PLXNB2: variants seen among roughly 807,000 people sequenced by gnomAD.
PLXNB2 encodes plexin B2.
PLXNB2 carries 85 observed loss-of-function variants against 202.6 expected under a neutral mutation model. That is an observed-to-expected ratio of 0.42 (90% CI 0.35 to 0.50). The LOEUF (loss-of-function observed/expected upper bound fraction) is 0.50, where lower values mean the gene tolerates loss of function less well. Among genes scored for constraint, PLXNB2 ranks in the 20% least tolerant of loss-of-function variants. The pLI is 0.02. For missense variants in PLXNB2, 2,063 were observed against 2,586.2 expected (o/e 0.80, Z 4.39); for synonymous variants, 1,239 against 1,137.6 (o/e 1.09, Z -1.79).
intron 24 of PLXNB2, 26 bp downstream of exon 24, chr22:50,280,714 GCCCT>G: frequency 2.6e-6 from 4 of 1,528,926 alleles, no homozygotes; most frequent in Non-Finnish European, 1.8e-6. Flanking sequence ...CCACCTGTGT[GCCCT>G]CCCGCCCGCC....
chr22:50,277,580 A>G lies in PLXNB2; in HGVS notation c.5196+11T>C. The G allele has an allele frequency of 6.4e-7, 1 of 1,555,468 alleles. No individual in the cohort carries two copies. Among genetic ancestry groups the G allele is most frequent in the Non-Finnish European group, 8.7e-7 (1 of 1,146,660 alleles). On this transcript the variant is annotated intron_variant, in intron 33 of 36. Transcript: ENST00000359337. ...GCCTCCCTGCCCCAGACCTGCCCCC[A>G]CCCCACTCACGCGGCTCAGCTTATG...
Position 50,297,363 on chromosome 22 carries a change from T to C in PLXNB2, c.-73-2585A>G, listed in dbSNP as rs1045596359. Among the ~76,000 whole-genome samples, 1 of 152,140 alleles carries C rather than the reference T, an allele frequency of 6.6e-6. No individual in the cohort carries two copies. Among genetic ancestry groups the C allele is most frequent in the Admixed American group, 6.5e-5 (1 of 15,282 alleles). On this transcript the variant is annotated intron_variant, in intron 1 of 36. Transcript: ENST00000359337. This position sits in a 1 kb window ranked among gnomAD's most constrained non-coding sequence, Gnocchi z 5.3. ...CCGCACGCCCTCGAACAACCTCCCC[T>C]GAGTGATCGATCCACTCAGGAAGCC...
chr22:50,290,207 G>A lies in PLXNB2; in HGVS notation c.378C>T (p.Ser126=). The A allele has an allele frequency of 6.2e-7, 1 of 1,612,356 alleles. No homozygotes were observed. The highest frequency in any genetic ancestry group is 8.5e-7 in the Non-Finnish European group (1 of 1,180,010). Residue 126 remains serine (S), a synonymous_variant, in exon 3 of 37, where the codon AGC becomes AGT. Transcript: ENST00000359337. ...CGTAGAACAGGCGGAGGGAGATGTT[G>A]CTCAGGGCGCGCAGAGCGCAGATGC... ...FKGICALRAL[S]NISLRLFYED...
intron 1 of PLXNB2, among the ~76,000 whole-genome samples, chr22:50,300,563 C>T (rs912987787): frequency 6.6e-6 from 1 of 152,200 alleles, no homozygotes; most frequent in East Asian, 1.9e-4. Context: ...CGGGGCGGGG[C>T]GGGGCTCCAG....
chr22:50,299,884 C>T lies in PLXNB2; in HGVS notation c.-73-5106G>A, dbSNP rs537910636. 9.9e-5 allele frequency among the ~76,000 whole-genome samples: 15 copies of T among 152,274 alleles called. No individual in the cohort carries two copies. The East Asian group carries it at 2.5e-3, about 25-fold the overall frequency. On this transcript the variant is annotated intron_variant, in intron 1 of 36. Transcript: ENST00000359337. ...CTGTGTGGAGCGCCCTGGACTATTC[C>T]TCGCAGGCCGACCCAGGTGGCACAG...
chr22:50,286,161 C>T lies in PLXNB2; in HGVS notation c.1877+12G>A. 1 of 1,611,456 alleles carries T rather than the reference C, an allele frequency of 6.2e-7. No homozygotes were observed. Among genetic ancestry groups the T allele is most frequent in the South Asian group, 1.1e-5 (1 of 91,052 alleles). ...ACGGGCAGGGTGGGGTCGATGGGCA[C>T]AAGACACTCACGGCAGGTTCTCCTC... On this transcript the variant is annotated intron_variant, in intron 9 of 36. Transcript: ENST00000359337.
Position 50,287,334 on chromosome 22 carries a change from C to T in PLXNB2, c.1609-70G>A, listed in dbSNP as rs886564845. On this transcript the variant is annotated intron_variant, in intron 7 of 36. Coordinates refer to ENST00000359337, the MANE Select transcript of PLXNB2 (RefSeq NM_012401.4). ...GTCAGCCCACCTGCCGGTGACCCGA[C>T]CTCCCTGCGTGTGTGGGCGCACGTC... 4.5e-5 allele frequency: 64 copies of T among 1,435,304 alleles called. No homozygotes were observed. The African/African-American group carries it at 8.5e-4, about 19-fold the overall frequency. The allele number at this position is 1,435,304 out of a possible 1,614,324, so 88.9% of individuals were successfully genotyped here.
Position 50,284,670 on chromosome 22 carries a change from A to G in PLXNB2, c.2089-5T>C. ...GCCCACGTGCAGGGAGGAACCCTGC[A>G]GACCATGCCGTCAGGACCCTGGACA... On this transcript the variant is annotated splice_polypyrimidine_tract_variant and splice_region_variant and intron_variant, in intron 11 of 36. Coordinates refer to ENST00000359337, the MANE Select transcript of PLXNB2 (RefSeq NM_012401.4). This position sits in a 1 kb window ranked among gnomAD's most constrained non-coding sequence, Gnocchi z 8.0. The G allele has an allele frequency of 6.2e-7, 1 of 1,610,932 alleles. No homozygotes were observed. Among genetic ancestry groups the G allele is most frequent in the Non-Finnish European group, 8.5e-7 (1 of 1,178,234 alleles).
At chr22:50,298,170 G>A (rs901088698) in intron 1 of PLXNB2, among the ~76,000 whole-genome samples, 1 of 152,216 alleles carries the variant, frequency 6.6e-6, no homozygotes, top group Non-Finnish European at 1.5e-5. Flanking sequence ...ATGCAGGGGC[G>A]CGAGCCCAGA....
At chr22:50,277,152 C>T (rs983392784) in intron 33 of PLXNB2, among the ~76,000 whole-genome samples, 2 of 152,148 alleles carry the variant, frequency 1.3e-5, no homozygotes, top group African/African-American at 4.8e-5. Context: ...ACTAAAAATA[C>T]TAGCCGTGCG....
chr22:50,287,651 C>T lies in PLXNB2; in HGVS notation c.1608+16G>A. ...GGCCTGGGGCCCAGGACCCCCACCC[C>T]AGACCCACCACGCACCTCCCCCTGG... On this transcript the variant is annotated intron_variant, in intron 7 of 36. Coordinates refer to ENST00000359337, the MANE Select transcript of PLXNB2 (RefSeq NM_012401.4). The T allele has an allele frequency of 6.5e-7, 1 of 1,535,404 alleles. No individual in the cohort carries two copies. Among genetic ancestry groups the T allele is most frequent in the Non-Finnish European group, 8.7e-7 (1 of 1,145,018 alleles).
At chr22:50,287,079 G>A in intron 8 of PLXNB2, 32 bp downstream of exon 8, 1 of 1,473,098 alleles carries the variant, frequency 6.8e-7, no homozygotes. Context: ...CGACCGAGAA[G>A]GGCCACCCGG....
chr22:50,277,470 C>T lies in PLXNB2; in HGVS notation c.5196+121G>A. The T allele has an allele frequency of 2.9e-6, 3 of 1,042,084 alleles. No individual in the cohort carries two copies. In the South Asian group the frequency reaches 5.4e-5, roughly 19 times the overall value. The allele number at this position is 1,042,084 out of a possible 1,614,324, so 64.6% of individuals were successfully genotyped here. ...AGCCTCCGCCACCCGTCACCTCCTA[C>T]ATCAAGGGCTCCAGCCCAAGATATT... On this transcript the variant is annotated intron_variant, in intron 33 of 36. Transcript: ENST00000359337.
In PLXNB2 at chr22:50,278,019, G is replaced by T. The variant is rs759618272; in HGVS notation, c.4888-6C>A. ...ACAAACTGCTGCAGTGTGCCCTGTG[G>T]GGGGGAGGGTCTCAGCGTGACGCCG... is the stretch of plus-strand genomic sequence containing the variant. On this transcript the variant is annotated splice_region_variant and splice_polypyrimidine_tract_variant and intron_variant, in intron 31 of 36. Coordinates refer to ENST00000359337, the MANE Select transcript of PLXNB2 (RefSeq NM_012401.4). 5 of 1,610,058 alleles carry T rather than the reference G, an allele frequency of 3.1e-6. No homozygotes were observed. Among genetic ancestry groups the T allele is most frequent in the Middle Eastern group, 1.7e-4 (1 of 6,056 alleles).
rs190437260 is a variant in PLXNB2 at position 50,290,348 on chromosome 22, C to T, written c.237G>A (p.Thr79=). 760 of 1,612,592 alleles carry T rather than the reference C, an allele frequency of 4.7e-4. 1 individual carries two copies. Among genetic ancestry groups the T allele is most frequent in the African/African-American group, 1.5e-3 (114 of 75,058 alleles). Residue 79 remains threonine, a synonymous_variant, in exon 3 of 37, where the codon ACG becomes ACA. Transcript: ENST00000359337. ...GGCACTGGCTGGCCTCGATGGGCGG[C>T]GTGCACTTCTTGTTGTCCAGGGCCG... ...TGPALDNKKC[T]PPIEASQCHE...
chr22:50,304,356 G>A (rs1029528622), intron 1 of PLXNB2, among the ~76,000 whole-genome samples: 14 of 152,164 alleles, frequency 9.2e-5, no homozygotes, highest in Non-Finnish European at 1.0e-4. Context: ...AGACGGGAGG[G>A]GCCCAGCCAA....
chr22:50,300,455 G>C (rs890216571), intron 1 of PLXNB2: 2 of 357,874 alleles, frequency 5.6e-6, no homozygotes, highest in Non-Finnish European at 7.8e-6. Flanking sequence ...GCCCGGAGCA[G>C]CCTCCCGCAG....
rs369630778 is a variant in PLXNB2, at chr22:50,280,044, C to T, written c.4203G>A (p.Leu1401=). Residue 1401 remains leucine, a synonymous_variant, in exon 26 of 37, where the codon CTG becomes CTA. Transcript: ENST00000359337. ...ACAGGCAGATGGACATCCAGTTGGA[C>T]AGCATCCTCTCCACCACAGTCTCAG... ...RRSETVVERM[L]SNWMSICLYQ... 7 of 1,610,432 alleles carry T rather than the reference C, an allele frequency of 4.3e-6. No homozygotes were observed. In the African/African-American group the frequency reaches 8.0e-5, roughly 18 times the overall value.
At position 50,287,727 on chromosome 22, in the gene PLXNB2, C is replaced by T. The variant is rs544235763; in HGVS notation, c.1548G>A (p.Lys516=). The T allele has an allele frequency of 5.1e-6, 8 of 1,575,462 alleles. No individual in the cohort carries two copies. The African/African-American group carries it at 1.1e-4, about 21-fold the overall frequency. ...EASHWLWSRS[K]SCVAVTSAQP... ...GGGCGCTGGTGACGGCCACGCAGGA[C>T]TTGCTTCGGCTCCACAGCCAGTGGC... The change falls in exon 7 of 37, where the codon AAG becomes AAA. Residue 516 remains lysine (K), a synonymous_variant. Transcript: ENST00000359337.
Sources: gnomAD v4.1 joint callset for allele counts (sites outside exome capture counted in the v4.1 genomes callset) on GRCh38, gnomAD v4.1.1 for gene constraint, Gnocchi (gnomAD v3.1) non-coding constraint, MANE v1.5 for transcripts, NCBI Gene and HGNC (gene_info 2026-07-23, HGNC 2026-07-21) for gene names.